KCNMB2: variants seen among roughly 807,000 people sequenced by gnomAD.
KCNMB2 encodes the protein calcium-activated potassium channel subunit beta-2.
In KCNMB2, 9 loss-of-function variants were observed where a neutral mutation model predicts 24.5. The ratio of observed to expected loss-of-function variants is 0.37; its 90% confidence interval spans 0.22 to 0.64. The LOEUF is 0.64. Ranked by LOEUF, KCNMB2 falls within the 30% of genes least tolerant of loss-of-function variation. The probability of loss-of-function intolerance (pLI) is 0.63; values close to 1 mark genes in which losing one functional copy is unlikely to be tolerated. For synonymous variants in KCNMB2, 109 were observed against 104.4 expected, an observed-to-expected ratio of 1.04 and a Z score of -0.27; for missense variants, 226 against 284.3, an observed-to-expected ratio of 0.79 and a Z score of 1.47.
intron 1 of KCNMB2, among the ~76,000 whole-genome samples, chr3:178,624,101 C>G (rs1242135143): frequency 1.3e-5 from 2 of 152,132 alleles, no homozygotes; most frequent in Non-Finnish European, 2.9e-5. Flanking sequence ...TAACCCAAGG[C>G]CCCTGATCCA....
chr3:178,783,998 A>C (rs545311392), intron 1 of KCNMB2, among the ~76,000 whole-genome samples: 1 of 152,304 alleles, frequency 6.6e-6, no homozygotes, highest in East Asian at 1.9e-4. Context: ...ATTTTTTAGC[A>C]TGAAGGGTTG....
At chr3:178,633,831 T>C (rs1163994877) in intron 1 of KCNMB2, among the ~76,000 whole-genome samples, 1 of 152,242 alleles carries the variant, frequency 6.6e-6, no homozygotes, top group East Asian at 1.9e-4. Flanking sequence ...ATTTTTCAAA[T>C]TTTTATGCTC....
chr3:178,579,231 C>T (rs1265724656), intron 1 of KCNMB2, among the ~76,000 whole-genome samples: 2 of 152,190 alleles, frequency 1.3e-5, no homozygotes, highest in Non-Finnish European at 2.9e-5. Context: ...CAAAACCACA[C>T]AACTACATGG....
chr3:178,824,222 C>T (rs998844805), intron 2 of KCNMB2, among the ~76,000 whole-genome samples: 1 of 152,186 alleles, frequency 6.6e-6, no homozygotes. Context: ...AAGCTTTATA[C>T]ACTACTCATT....
chr3:178,745,344 T>C (rs1283112682), intron 1 of KCNMB2, among the ~76,000 whole-genome samples: 2 of 152,146 alleles, frequency 1.3e-5, no homozygotes, highest in Non-Finnish European at 2.9e-5. Flanking sequence ...CTCCCCCTTA[T>C]AATAACCATC....
At chr3:178,577,749 G>A (rs553681771) in intron 1 of KCNMB2, among the ~76,000 whole-genome samples, 96 of 152,254 alleles carry the variant, frequency 6.3e-4, no homozygotes, top group Non-Finnish European at 1.1e-3. Flanking sequence ...ATCAATAGCC[G>A]AATCGATTAA....
chr3:178,760,528 G>T (rs1052060395), intron 1 of KCNMB2, among the ~76,000 whole-genome samples: 2 of 147,182 alleles, frequency 1.4e-5, no homozygotes, highest in East Asian at 2.0e-4. Flanking sequence ...GTGTGTGTGT[G>T]TGTGTGTTTG....
intron 1 of KCNMB2, among the ~76,000 whole-genome samples, chr3:178,641,293 A>G (rs1199931264): frequency 6.6e-6 from 1 of 152,168 alleles, no homozygotes; most frequent in Admixed American, 6.6e-5. Context: ...AAGAATTAAC[A>G]TCTTAATATT....
At chr3:178,781,135 TA>T (rs1712814581) in intron 1 of KCNMB2, among the ~76,000 whole-genome samples, 1 of 152,090 alleles carries the variant, frequency 6.6e-6, no homozygotes, top group Non-Finnish European at 1.5e-5. Flanking sequence ...TAAAATATAT[TA>T]TTAGAATTAA....
chr3:178,622,300 T>C (rs1267215992), intron 1 of KCNMB2, among the ~76,000 whole-genome samples: 2 of 152,152 alleles, frequency 1.3e-5, no homozygotes, highest in African/African-American at 4.8e-5. Context: ...AATTAATGAA[T>C]GGACAAATGA....
intron 1 of KCNMB2, among the ~76,000 whole-genome samples, chr3:178,590,524 T>G (rs1029417989): frequency 1.3e-5 from 2 of 152,206 alleles, no homozygotes; most frequent in African/African-American, 2.4e-5. Context: ...AATCACTCAT[T>G]GTCCTACCAC....
At chr3:178,556,232 T>C (rs1210077863) in intron 1 of KCNMB2, among the ~76,000 whole-genome samples, 2 of 152,166 alleles carry the variant, frequency 1.3e-5, no homozygotes, top group Non-Finnish European at 2.9e-5. Context: ...TGAAGTATAA[T>C]TTACAACTCA....
At chr3:178,591,727 C>A (rs1267403939) in intron 1 of KCNMB2, among the ~76,000 whole-genome samples, 2 of 152,118 alleles carry the variant, frequency 1.3e-5, no homozygotes, top group African/African-American at 2.4e-5. Flanking sequence ...CTAAGTTTAA[C>A]TTGAAGACTC....
intron 1 of KCNMB2, among the ~76,000 whole-genome samples, chr3:178,663,743 T>C (rs769648282): frequency 2.0e-5 from 3 of 152,176 alleles, no homozygotes; most frequent in Non-Finnish European, 4.4e-5. Context: ...CACTTTACTA[T>C]TAGCACAGAA....
At chr3:178,796,638 T>C (rs928520394) in intron 1 of KCNMB2, among the ~76,000 whole-genome samples, 3 of 152,088 alleles carry the variant, frequency 2.0e-5, no homozygotes, top group South Asian at 2.1e-4. Context: ...AATTAAACAA[T>C]ATGCTCCTGA....
intron 1 of KCNMB2, among the ~76,000 whole-genome samples, chr3:178,568,776 TA>T (rs1445167562): frequency 1.7e-5 from 1 of 58,714 alleles, no homozygotes; most frequent in African/African-American, 7.6e-5. Context: ...AGATAGATGA[TA>T]GATAGATAGA....
At chr3:178,771,805 C>G (rs1329928780) in intron 1 of KCNMB2, among the ~76,000 whole-genome samples, 1 of 152,118 alleles carries the variant, frequency 6.6e-6, no homozygotes, top group South Asian at 2.1e-4. Context: ...ACCACCAGAT[C>G]CCTTACCCCT....
At chr3:178,659,156 A>G (rs921550546) in intron 1 of KCNMB2, among the ~76,000 whole-genome samples, 3 of 152,246 alleles carry the variant, frequency 2.0e-5, no homozygotes, top group East Asian at 1.9e-4. Context: ...AGCAGTCACT[A>G]TGGAATTCTA....
intron 4 of KCNMB2, among the ~76,000 whole-genome samples, chr3:178,838,295 T>C (rs188091091): frequency 1.3e-5 from 2 of 152,252 alleles, no homozygotes; most frequent in African/African-American, 2.4e-5. Context: ...CATACTAAAT[T>C]ATAACTGATT....
Sources: allele counts gnomAD v4.1 joint callset (sites outside exome capture counted in the v4.1 genomes callset), GRCh38; gene constraint gnomAD v4.1.1; transcripts MANE v1.5; gene names NCBI Gene and HGNC (gene_info 2026-07-23, HGNC 2026-07-21).